The following PHC1 variants were observed in gnomAD, a reference collection of about 807,000 sequenced individuals.
PHC1 encodes polyhomeotic homolog 1.
In PHC1, 12 loss-of-function variants were observed where a neutral mutation model predicts 104.3. The observed-to-expected ratio is 0.12, with a 90% CI of 0.07 to 0.19. The LOEUF (loss-of-function observed/expected upper bound fraction) is 0.19, where lower values mean the gene tolerates loss of function less well. Among genes scored for constraint, PHC1 ranks in the 10% least tolerant of loss-of-function variants. The pLI is 1.00. For missense variants in PHC1, 671 were observed against 1,200.0 expected (o/e 0.56, Z 6.51); for synonymous variants, 302 against 455.8 (o/e 0.66, Z 4.30).
intron 6 of PHC1, among the ~76,000 whole-genome samples, chr12:8,925,421 C>T (rs1945488559): frequency 6.6e-6 from 1 of 152,120 alleles, no homozygotes; most frequent in South Asian, 2.1e-4. Context: ...TGATAGTCAC[C>T]TGAATGGGGA....
rs1435081129 is a variant in PHC1, at chr12:8,919,961, G to A, written c.225+95G>A. The A allele has an allele frequency of 6.5e-7, 1 of 1,526,784 alleles. No individual in the cohort carries two copies. Among genetic ancestry groups the A allele is most frequent in the Non-Finnish European group, 8.9e-7 (1 of 1,127,180 alleles). 94.6% of individuals were successfully genotyped at this position (1,526,784 alleles called of 1,614,324 possible). A position where few individuals can be genotyped will look rare whatever the true frequency, so the allele number is the denominator to read the frequency against. On this transcript the variant is annotated intron_variant, in intron 3 of 14. Transcript: ENST00000544916. This position sits in a 1 kb window ranked among gnomAD's most constrained non-coding sequence, Gnocchi z 4.9. ...TTGGGCATATAGCATCCTATACTAAGCCAGGCTGCAGACAGCCTCCTCCGC... is the reference window on the plus strand; with the variant it reads ...TTGGGCATATAGCATCCTATACTAAACCAGGCTGCAGACAGCCTCCTCCGC...
intron 3 of PHC1, among the ~76,000 whole-genome samples, chr12:8,920,410 C>T (rs1945327893): frequency 6.6e-6 from 1 of 152,054 alleles, no homozygotes; most frequent in Admixed American, 6.6e-5. Context: ...ATGACCTGAC[C>T]AAAAGATCTT....
chr12:8,933,264 C>T lies in PHC1; in HGVS notation c.1807C>T (p.His603Tyr). 2 of 1,486,872 alleles carry T rather than the reference C, an allele frequency of 1.3e-6. No homozygotes were observed. Among genetic ancestry groups the T allele is most frequent in the Non-Finnish European group, 1.8e-6 (2 of 1,108,172 alleles). The allele number at this position is 1,486,872 out of a possible 1,614,324, so 92.1% of individuals were successfully genotyped here. A position where few individuals can be genotyped will look rare whatever the true frequency, so the allele number is the denominator to read the frequency against. The change falls in exon 8 of 15, where the codon CAT becomes TAT. Residue 603 changes from histidine to tyrosine, a missense_variant. Coordinates refer to ENST00000544916, the MANE Select transcript of PHC1 (RefSeq NM_004426.3). ...CCTTGCTCCTGTGCAGGGGACAGCACATGTGGTAAAGGGTGGGGCTACCAC... is the reference window on the plus strand; with the variant it reads ...CCTTGCTCCTGTGCAGGGGACAGCATATGTGGTAAAGGGTGGGGCTACCAC... ...MTLAPVQGTA[H>Y]VVKGGATTSS...
At position 8,937,193 on chromosome 12, in the gene PHC1, G is replaced by A; in HGVS notation, c.2495G>A (p.Ser832Asn). Residue 832 changes from serine (S) to asparagine (N), a missense_variant, in exon 13 of 15, where the codon AGC (serine) becomes AAC (asparagine). Physicochemically the swap from Ser to Asn is conservative, Grantham distance 46. Coordinates refer to ENST00000544916, the MANE Select transcript of PHC1 (RefSeq NM_004426.3). ...TCAKRYNVSCSHQFRLKRKKM... is the reference protein window; with the variant it reads ...TCAKRYNVSCNHQFRLKRKKM... ...TCCTGTAGGTACAATGTGAGCTGTA[G>A]CCATCAGTTCCGGCTGAAGAGGAAA... The A allele has an allele frequency of 6.2e-7, 1 of 1,612,082 alleles. No homozygotes were observed. The highest frequency in any genetic ancestry group is 1.7e-4 in the Middle Eastern group (1 of 6,048).
chr12:8,917,162 C>G (rs1296496019), intron 1 of PHC1, among the ~76,000 whole-genome samples: 1 of 152,194 alleles, frequency 6.6e-6, no homozygotes, highest in African/African-American at 2.4e-5. Flanking sequence ...GAGAGAGATA[C>G]AGCATAGGTG....
chr12:8,915,498 C>T (rs1290267600), intron 1 of PHC1, among the ~76,000 whole-genome samples: 1 of 152,016 alleles, frequency 6.6e-6, no homozygotes, highest in African/African-American at 2.4e-5. Context: ...ATGCTAAGTC[C>T]ACCTCAATGT....
At position 8,930,919 on chromosome 12, in the gene PHC1, T is replaced by C. The variant is rs1339930849; in HGVS notation, c.1097T>C (p.Ile366Thr). The change falls in exon 7 of 15, where the codon ATT (isoleucine) becomes ACT (threonine). Residue 366 changes from isoleucine (I) to threonine (T), a missense_variant. Transcript: ENST00000544916. ...TATPAPSQTL[I>T]SSATYTQIQP... ...ACACCTGCGCCCAGCCAGACACTTATTAGCTCAGGTAAATTGTCATTCCTC... is the reference window on the plus strand; with the variant it reads ...ACACCTGCGCCCAGCCAGACACTTACTAGCTCAGGTAAATTGTCATTCCTC... 4 of 1,607,184 alleles carry C rather than the reference T, an allele frequency of 2.5e-6. No individual in the cohort carries two copies. Among genetic ancestry groups the C allele is most frequent in the Middle Eastern group, 1.7e-4 (1 of 6,044 alleles).
chr12:8,914,286 G>A (rs1261821996), upstream of PHC1, among the ~76,000 whole-genome samples: 1 of 152,052 alleles, frequency 6.6e-6, no homozygotes, highest in Non-Finnish European at 1.5e-5. Flanking sequence ...AGAACTCGGA[G>A]AGAAAGAAGG....
In PHC1 at chr12:8,914,638, G is replaced by T. The variant is rs1430511601; in HGVS notation, c.-238G>T. ...CCGCACCCGGAGCGGCGGGAGGGGC[G>T]GGGAGCCGCGGTCGCGCCGGGCGCC... On this transcript the variant is annotated 5_prime_UTR_variant, in exon 1 of 15. Transcript: ENST00000544916. 1 of 149,976 alleles carries T rather than the reference G, an allele frequency of 6.7e-6. No homozygotes were observed. Among genetic ancestry groups the T allele is most frequent in the Non-Finnish European group, 1.5e-5 (1 of 67,048 alleles). 9.3% of individuals were successfully genotyped at this position (149,976 alleles called of 1,614,324 possible). A position where few individuals can be genotyped will look rare whatever the true frequency, so the allele number is the denominator to read the frequency against.
intron 11 of PHC1, among the ~76,000 whole-genome samples, chr12:8,936,507 A>G (rs1422743241): frequency 6.6e-6 from 1 of 152,146 alleles, no homozygotes; most frequent in Non-Finnish European, 1.5e-5. Flanking sequence ...TGCTTTTGGA[A>G]ATCTTTGTGG....
upstream of PHC1, chr12:8,914,062 T>C (rs896907127): frequency 1.3e-5 from 2 of 152,822 alleles, no homozygotes; most frequent in African/African-American, 4.8e-5. Context: ...ATCGTTTCTC[T>C]AGGGGTCGTT....
intron 6 of PHC1, among the ~76,000 whole-genome samples, chr12:8,929,531 CTTT>C (rs965309403): frequency 7.0e-6 from 1 of 143,498 alleles, no homozygotes; most frequent in Admixed American, 6.9e-5. Context: ...AAAATAATGT[CTTT>C]TTTTTTTTTT....
intron 5 of PHC1, among the ~76,000 whole-genome samples, 191 bp from the exon 6 acceptor site, chr12:8,922,442 G>A (rs1404831410): frequency 6.6e-6 from 1 of 152,144 alleles, no homozygotes; most frequent in Non-Finnish European, 1.5e-5. Context: ...AGTTTTCTAT[G>A]CATTCTAGGT....
intron 6 of PHC1, among the ~76,000 whole-genome samples, chr12:8,926,432 C>T (rs1357726226): frequency 2.7e-5 from 4 of 149,978 alleles, no homozygotes; most frequent in South Asian, 2.1e-4. Context: ...ACCTGGGCAG[C>T]GTAGTCAAAC....
At chr12:8,937,353 G>T in intron 13 of PHC1, 27 bp downstream of exon 13, 2 of 1,561,470 alleles carry the variant, frequency 1.3e-6, no homozygotes, top group Non-Finnish European at 1.7e-6. Flanking sequence ...AGAGCCAGAT[G>T]CCTTTAAACT....
At chr12:8,927,802 C>T (rs1487073628) in intron 6 of PHC1, among the ~76,000 whole-genome samples, 3 of 152,110 alleles carry the variant, frequency 2.0e-5, no homozygotes, top group African/African-American at 7.2e-5. Flanking sequence ...CAACTCTTTA[C>T]TGCTCCTGCC....
chr12:8,936,752 G>A (rs1592212811), intron 11 of PHC1, 104 bp from the exon 12 acceptor site: 1 of 773,234 alleles, frequency 1.3e-6, no homozygotes, highest in East Asian at 2.7e-5. Flanking sequence ...AGGTTTTTGG[G>A]GGTGAACCCT....
intron 1 of PHC1, among the ~76,000 whole-genome samples, chr12:8,916,636 G>A (rs1328726325): frequency 6.6e-6 from 1 of 152,046 alleles, no homozygotes; most frequent in Non-Finnish European, 1.5e-5. Flanking sequence ...TTTTGCAAAT[G>A]TAAGTGTAGT....
intron 1 of PHC1, chr12:8,915,314 T>C (rs1945170030): frequency 6.6e-6 from 1 of 152,284 alleles, no homozygotes; most frequent in Non-Finnish European, 1.5e-5. Context: ...CAAGGTTCTA[T>C]ATAGAACGAG....
Sources: gnomAD v4.1 joint callset for allele counts (sites outside exome capture counted in the v4.1 genomes callset) on GRCh38, gnomAD v4.1.1 for gene constraint, Gnocchi (gnomAD v3.1) non-coding constraint, MANE v1.5 for transcripts, NCBI Gene and HGNC (gene_info 2026-07-23, HGNC 2026-07-21) for gene names.